ANP32A: variants seen among roughly 807,000 people sequenced by gnomAD.
ANP32A encodes acidic leucine-rich nuclear phosphoprotein 32 family member A.
In ANP32A, 1 loss-of-function variant was observed where a neutral mutation model predicts 33.9. That is an observed-to-expected ratio of 0.03 (90% CI 0.01 to 0.14). The LOEUF (loss-of-function observed/expected upper bound fraction) is 0.14. ANP32A is among the 10% of genes least tolerant of loss of function. The probability of loss-of-function intolerance (pLI) is 1.00; values close to 1 mark genes in which losing one functional copy is unlikely to be tolerated. For missense variants in ANP32A, 155 were observed against 306.0 expected (o/e 0.51, Z 3.68); for synonymous variants, 115 against 120.5 (o/e 0.95, Z 0.30).
At chr15:68,797,444 C>T (rs1308329202) in intron 1 of ANP32A, among the ~76,000 whole-genome samples, 1 of 152,172 alleles carries the variant, frequency 6.6e-6, no homozygotes, top group Non-Finnish European at 1.5e-5. Flanking sequence ...GCCTAGAGAG[C>T]AAAGAGGGTA....
chr15:68,820,626 C>T, intron 1 of ANP32A, 72 bp downstream of exon 1: 1 of 1,028,246 alleles, frequency 9.7e-7, no homozygotes, highest in Non-Finnish European at 1.3e-6. Flanking sequence ...TGCCTCCCCC[C>T]AGCGCGCACA....
In ANP32A at chr15:68,787,711, A is replaced by T. The variant is rs117335252; in HGVS notation, c.204+59T>A. Reference sequence around the variant, plus strand: ...CAATTACTCTTTCTAAACATAGGTAATAACCCTTCCCACTCCCCACCCCCG... The same window carrying T: ...CAATTACTCTTTCTAAACATAGGTATTAACCCTTCCCACTCCCCACCCCCG... On this transcript the variant is annotated intron_variant, in intron 2 of 6. Coordinates refer to ENST00000465139, the MANE Select transcript of ANP32A (RefSeq NM_006305.4). 5 of 1,606,372 alleles carry T rather than the reference A, an allele frequency of 3.1e-6. No homozygotes were observed. The East Asian group carries it at 1.1e-4, about 36-fold the overall frequency.
chr15:68,797,931 A>G (rs1894084341), intron 1 of ANP32A, among the ~76,000 whole-genome samples: 1 of 142,930 alleles, frequency 7.0e-6, no homozygotes, highest in Admixed American at 6.9e-5. Flanking sequence ...AGGCTAGGGG[A>G]GGGGTGGGGT....
chr15:68,812,878 TC>T (rs1394545458), intron 1 of ANP32A: 1 of 152,144 alleles, frequency 6.6e-6, no homozygotes, highest in East Asian at 1.9e-4. Context: ...AATTCAACAC[TC>T]CCATTTTAGA....
intron 1 of ANP32A, among the ~76,000 whole-genome samples, chr15:68,802,664 T>A (rs990102245): frequency 6.6e-6 from 1 of 152,170 alleles, no homozygotes; most frequent in African/African-American, 2.4e-5. Flanking sequence ...TCTTATTTAT[T>A]TATTTGAGAC....
intron 1 of ANP32A, among the ~76,000 whole-genome samples, chr15:68,796,259 T>C (rs909016698): frequency 6.6e-6 from 1 of 152,206 alleles, no homozygotes; most frequent in Non-Finnish European, 1.5e-5. Flanking sequence ...TTTTGTATTT[T>C]CAGGAGAGAC....
chr15:68,798,481 G>GT lies in ANP32A; in HGVS notation c.55-10563dup, dbSNP rs536166031. Among the ~76,000 whole-genome samples the GT allele has an allele frequency of 3.1e-4, 47 of 152,280 alleles. 1 individual carries two copies. Among genetic ancestry groups the GT allele is most frequent in the African/African-American group, 1.1e-3 (46 of 41,542 alleles). ...TCAATGCCACTTTTGGGGAACTACT[G>GT]TATCTAATCCAACTTCCCTAGCAAT... is the stretch of plus-strand genomic sequence containing the variant. On this transcript the variant is annotated intron_variant, in intron 1 of 6. Transcript: ENST00000465139.
chr15:68,788,298 A>G (rs955872890), intron 1 of ANP32A, among the ~76,000 whole-genome samples: 3 of 152,204 alleles, frequency 2.0e-5, no homozygotes, highest in East Asian at 1.9e-4. Flanking sequence ...TGCACCAGCC[A>G]CAGCATTGTT....
intron 1 of ANP32A, among the ~76,000 whole-genome samples, chr15:68,789,055 T>G (rs1391154101): frequency 6.6e-6 from 1 of 152,186 alleles, no homozygotes; most frequent in African/African-American, 2.4e-5. Context: ...ACCCGGTGTG[T>G]GGCCCTCCAG....
At chr15:68,816,299 T>A (rs1305899755) in intron 1 of ANP32A, among the ~76,000 whole-genome samples, 1 of 152,178 alleles carries the variant, frequency 6.6e-6, no homozygotes, top group Non-Finnish European at 1.5e-5. Flanking sequence ...GTGTAGAGGT[T>A]GAGTATGCAG....
chr15:68,809,309 T>A (rs1440312024), intron 1 of ANP32A, among the ~76,000 whole-genome samples: 1 of 152,114 alleles, frequency 6.6e-6, no homozygotes, highest in Non-Finnish European at 1.5e-5. Flanking sequence ...TAACAAGCAG[T>A]GTCTAGGAAG....
intron 1 of ANP32A, among the ~76,000 whole-genome samples, chr15:68,813,250 G>C (rs565912039): frequency 1.6e-4 from 25 of 152,278 alleles, no homozygotes; most frequent in South Asian, 1.2e-3. Flanking sequence ...GACAGGGCTT[G>C]GTGTGGTAGA....
chr15:68,817,178 C>T lies in ANP32A; in HGVS notation c.54+3520G>A, dbSNP rs142914408. Among the ~76,000 whole-genome samples, 228 of 152,356 alleles carry T rather than the reference C, an allele frequency of 1.5e-3. 1 individual carries two copies. The highest frequency in any genetic ancestry group is 5.2e-3 in the African/African-American group (218 of 41,586). On this transcript the variant is annotated intron_variant, in intron 1 of 6. Transcript: ENST00000465139. ...CCCGACGCGACGAATTGCCTGGCTC[C>T]TAAGTCAACATCCGGAGAAAGGCGG...
At chr15:68,786,223 C>T (rs7179370) in intron 3 of ANP32A, among the ~76,000 whole-genome samples, 1 of 146,144 alleles carries the variant, frequency 6.8e-6, no homozygotes, top group East Asian at 2.0e-4. Context: ...TTCCCTGATT[C>T]TAAGATGCCT....
intron 1 of ANP32A, among the ~76,000 whole-genome samples, chr15:68,812,200 G>A (rs575705175): frequency 3.9e-5 from 6 of 152,350 alleles, no homozygotes; most frequent in Non-Finnish European, 7.3e-5. Context: ...GCCCTGAGAG[G>A]GGCGTGCCCA....
intron 1 of ANP32A, among the ~76,000 whole-genome samples, chr15:68,788,331 G>A (rs117349594): frequency 1.7e-4 from 17 of 97,328 alleles, no homozygotes; most frequent in East Asian, 8.3e-4. Flanking sequence ...GCCTTGCCCC[G>A]CCACCCCAAT....
rs949984981 is a variant in ANP32A, at chr15:68,801,782, A to G, written c.55-13863T>C. On this transcript the variant is annotated intron_variant, in intron 1 of 6. Transcript: ENST00000465139. ...GAATGCTCCAGAACAGTCTCTCTTC[A>G]CTGTAATCCTTCACTTTGGAGGAAG... The G allele has an allele frequency of 1.9e-5, 3 of 154,524 alleles. No individual in the cohort carries two copies. The Admixed American group carries it at 2.0e-4, about 10-fold the overall frequency. The allele number at this position is 154,524 out of a possible 1,614,324, so 9.6% of individuals were successfully genotyped here.
chr15:68,809,091 C>T (rs1270759249), intron 1 of ANP32A, among the ~76,000 whole-genome samples: 2 of 152,256 alleles, frequency 1.3e-5, no homozygotes, highest in African/African-American at 2.4e-5. Context: ...AGAGAGAACC[C>T]GGGGGTTTAC....
intron 1 of ANP32A, among the ~76,000 whole-genome samples, chr15:68,796,530 T>C (rs1179040127): frequency 6.6e-6 from 1 of 152,210 alleles, no homozygotes; most frequent in Non-Finnish European, 1.5e-5. Flanking sequence ...CTCGACTCTT[T>C]CTACATGGTT....
Sources: gnomAD v4.1 joint callset for allele counts (sites outside exome capture counted in the v4.1 genomes callset) on GRCh38, gnomAD v4.1.1 for gene constraint, MANE v1.5 for transcripts, NCBI Gene and HGNC (gene_info 2026-07-23, HGNC 2026-07-21) for gene names.